SIL1: variants seen among roughly 807,000 people sequenced by gnomAD.
SIL1 encodes nucleotide exchange factor SIL1.
A neutral mutation model predicts 49.1 loss-of-function variants in SIL1; 40 were observed. That is an observed-to-expected ratio of 0.81 (90% CI 0.63 to 1.06). The LOEUF (loss-of-function observed/expected upper bound fraction) is 1.06, where lower values mean the gene tolerates loss of function less well. SIL1 is among the 50% of genes least tolerant of loss of function. The pLI is 0.00. For synonymous variants in SIL1, 253 were observed against 250.8 expected (o/e 1.01, Z -0.08); for missense variants, 500 against 572.6 (o/e 0.87, Z 1.29).
chr5:139,048,379 T>TG (rs1554129175), intron 4 of SIL1, among the ~76,000 whole-genome samples: 5 of 141,862 alleles, frequency 3.5e-5, no homozygotes, highest in African/African-American at 1.3e-4. Flanking sequence ...GTTTTTTTTT[T>TG]TTTTTTTTTT....
chr5:139,188,353 A>T (rs1752112495), intron 1 of SIL1, among the ~76,000 whole-genome samples: 2 of 152,202 alleles, frequency 1.3e-5, no homozygotes, highest in South Asian at 4.1e-4. Context: ...AGAAAAAGAC[A>T]ATGGCATTTT....
intron 6 of SIL1, chr5:139,022,552 G>A (rs577913181): frequency 3.3e-5 from 5 of 152,342 alleles, no homozygotes; most frequent in African/African-American, 1.2e-4. Context: ...TTGCATTAAT[G>A]AGTATGAATT....
intron 3 of SIL1, among the ~76,000 whole-genome samples, chr5:139,086,342 A>ATTTTTT (rs542613522): frequency 8.0e-5 from 12 of 150,574 alleles, no homozygotes; most frequent in Non-Finnish European, 1.2e-4. Context: ...AATGAGTTTC[A>ATTTTTT]TTTTTTTATT....
intron 7 of SIL1, among the ~76,000 whole-genome samples, chr5:138,972,765 G>C (rs1390389711): frequency 1.3e-5 from 2 of 152,146 alleles, no homozygotes; most frequent in Non-Finnish European, 2.9e-5. Context: ...TATTAAACTT[G>C]GACAAATACC....
At chr5:139,120,345 T>C (rs914598898) in intron 3 of SIL1, among the ~76,000 whole-genome samples, 3 of 152,170 alleles carry the variant, frequency 2.0e-5, no homozygotes, top group Admixed American at 2.0e-4. Context: ...CTGGATGACA[T>C]AGGACAAGTT....
At chr5:139,143,308 C>CACATGTGTATATACATATAT (rs1751121969) in intron 1 of SIL1, among the ~76,000 whole-genome samples, 1 of 59,636 alleles carries the variant, frequency 1.7e-5, no homozygotes, top group Non-Finnish European at 3.9e-5. Context: ...TACATATATA[C>CACATGTGTATATACATATAT]ACACACACAC....
intron 1 of SIL1, among the ~76,000 whole-genome samples, chr5:139,149,539 A>T (rs1268180942): frequency 6.6e-6 from 1 of 152,178 alleles, no homozygotes; most frequent in African/African-American, 2.4e-5. Flanking sequence ...CACACTCTTA[A>T]GGAGAACAGA....
At chr5:139,003,764 A>C (rs1403213184) in intron 7 of SIL1, among the ~76,000 whole-genome samples, 1 of 152,220 alleles carries the variant, frequency 6.6e-6, no homozygotes, top group Non-Finnish European at 1.5e-5. Context: ...ACAGTAAGAG[A>C]AGCCCATGCT....
chr5:139,125,018 T>C (rs2151795275), intron 2 of SIL1, among the ~76,000 whole-genome samples: 1 of 152,366 alleles, frequency 6.6e-6, no homozygotes, highest in Middle Eastern at 3.4e-3. Flanking sequence ...TGACGCGGGA[T>C]ACTGAGATCA....
In SIL1 at chr5:138,947,036, T is replaced by A; in HGVS notation, c.*81A>T. On this transcript the variant is annotated 3_prime_UTR_variant, in exon 10 of 10. Transcript: ENST00000394817. The surrounding 1 kb of genome is among the most constrained non-coding windows in gnomAD (Gnocchi z 4.1). Reference sequence around the variant, plus strand: ...TGGCCAAGCCAGCACTGCCAAGATGTCCTCCTGCCTGAGAAGCCCACCCAC... The same window carrying A: ...TGGCCAAGCCAGCACTGCCAAGATGACCTCCTGCCTGAGAAGCCCACCCAC... 1 of 1,051,592 alleles carries A rather than the reference T, an allele frequency of 9.5e-7. No individual in the cohort carries two copies. The highest frequency in any genetic ancestry group is 1.3e-5 in the South Asian group (1 of 74,402). 65.1% of individuals were successfully genotyped at this position (1,051,592 alleles called of 1,614,324 possible).
intron 1 of SIL1, among the ~76,000 whole-genome samples, chr5:139,155,979 C>A (rs1751401320): frequency 6.6e-6 from 1 of 152,088 alleles, no homozygotes; most frequent in South Asian, 2.1e-4. Context: ...ATTACAGGAA[C>A]ACACCACCAT....
chr5:139,080,447 C>T (rs1411486492), intron 3 of SIL1, among the ~76,000 whole-genome samples: 3 of 152,168 alleles, frequency 2.0e-5, no homozygotes, highest in East Asian at 3.8e-4. Context: ...GAAAGATAGC[C>T]TAAAGGACAG....
chr5:139,055,445 T>C (rs1004440156), intron 3 of SIL1, among the ~76,000 whole-genome samples: 3 of 152,168 alleles, frequency 2.0e-5, no homozygotes, highest in Non-Finnish European at 4.4e-5. Context: ...CTGCAGAGTG[T>C]GCCTTCTCAC....
chr5:139,173,790 C>CA (rs70982756), intron 1 of SIL1, among the ~76,000 whole-genome samples: 3,017 of 106,358 alleles, frequency 0.028, 63 homozygotes, highest in East Asian at 0.056. Context: ...ACTAAAAATA[C>CA]AAAAAAAAAA....
At chr5:139,168,692 G>A (rs529586845) in intron 1 of SIL1, among the ~76,000 whole-genome samples, 1 of 151,976 alleles carries the variant, frequency 6.6e-6, no homozygotes, top group African/African-American at 2.4e-5. Flanking sequence ...GAACATTCAA[G>A]CAAGGCGCAG....
intron 3 of SIL1, among the ~76,000 whole-genome samples, chr5:139,055,503 C>T (rs538831425): frequency 6.6e-6 from 1 of 152,222 alleles, no homozygotes; most frequent in Admixed American, 6.5e-5. Flanking sequence ...CAGTGGGATG[C>T]TAGCAAATGG....
intron 1 of SIL1, among the ~76,000 whole-genome samples, chr5:139,132,329 G>C (rs1750882114): frequency 6.6e-6 from 1 of 152,042 alleles, no homozygotes; most frequent in Non-Finnish European, 1.5e-5. Flanking sequence ...GCTCCCACAG[G>C]GCTCCCAGCC....
intron 3 of SIL1, among the ~76,000 whole-genome samples, chr5:139,057,212 C>A (rs1240913477): frequency 4.0e-5 from 6 of 150,438 alleles, no homozygotes; most frequent in Non-Finnish European, 8.8e-5. Context: ...CCTAGGAAAA[C>A]CAGAGACCTT....
chr5:138,976,308 CTCTT>C (rs1472495614), intron 7 of SIL1, among the ~76,000 whole-genome samples: 13 of 148,998 alleles, frequency 8.7e-5, no homozygotes, highest in Admixed American at 2.7e-4. Flanking sequence ...TATATTACCT[CTCTT>C]TTTTTTTTTT....
Sources: gnomAD v4.1 joint callset for allele counts (sites outside exome capture counted in the v4.1 genomes callset) on GRCh38, gnomAD v4.1.1 for gene constraint, Gnocchi (gnomAD v3.1) non-coding constraint, MANE v1.5 for transcripts, NCBI Gene and HGNC (gene_info 2026-07-23, HGNC 2026-07-21) for gene names.